MFSD11: variants seen among roughly 807,000 people sequenced by gnomAD.
MFSD11 encodes UNC93-like protein MFSD11.
A neutral mutation model predicts 53.5 loss-of-function variants in MFSD11; 36 were observed. The observed-to-expected ratio is 0.67, with a 90% CI of 0.52 to 0.89. The LOEUF (loss-of-function observed/expected upper bound fraction) is 0.89. MFSD11 is among the 40% of genes least tolerant of loss of function. The pLI is 0.00. For synonymous variants in MFSD11, 186 were observed against 184.9 expected, an observed-to-expected ratio of 1.01 and a Z score of -0.05; for missense variants, 530 against 543.9, an observed-to-expected ratio of 0.97 and a Z score of 0.25.
At position 76,759,518 on chromosome 17, in the gene MFSD11, G is replaced by A. The variant is rs894706072; in HGVS notation, c.682+5431G>A. Among the ~76,000 whole-genome samples the A allele has an allele frequency of 4.6e-5, 7 of 151,602 alleles. No individual in the cohort carries two copies. In the East Asian group the frequency reaches 1.2e-3, roughly 25 times the overall value. On this transcript the variant is annotated intron_variant, in intron 8 of 12. Coordinates refer to ENST00000685175, the MANE Select transcript of MFSD11 (RefSeq NM_001242532.5). ...CACCCAGGCTGGAGTGCAGTGGCGC[G>A]ATCTCAGCTCACTGCAACCTCCGCC...
chr17:76,755,368 G>A (rs1453018400), intron 8 of MFSD11, among the ~76,000 whole-genome samples: 1 of 152,156 alleles, frequency 6.6e-6, no homozygotes, highest in East Asian at 1.9e-4. Context: ...TGTCTTCTCA[G>A]GAGAGGGAAT....
intron 8 of MFSD11, among the ~76,000 whole-genome samples, chr17:76,755,675 C>G (rs1370568682): frequency 6.8e-6 from 1 of 147,256 alleles, no homozygotes; most frequent in Non-Finnish European, 1.5e-5. Flanking sequence ...TATATTGTTT[C>G]AGGAATATAT....
chr17:76,742,308 C>G, intron 5 of MFSD11, 35 bp downstream of exon 5: 1 of 1,561,466 alleles, frequency 6.4e-7, no homozygotes, highest in Non-Finnish European at 8.8e-7. Context: ...CTTTCCTTTT[C>G]TTTCTTTTTT....
chr17:76,737,269 G>GA (rs1345421660), upstream of MFSD11: 1 of 1,406,706 alleles, frequency 7.1e-7, no homozygotes, highest in South Asian at 1.5e-5. Context: ...GGGACACTGG[G>GA]AAAGGCCTTG....
At chr17:76,760,084 A>AT (rs1291924629) in intron 8 of MFSD11, among the ~76,000 whole-genome samples, 2 of 151,108 alleles carry the variant, frequency 1.3e-5, no homozygotes, top group African/African-American at 4.9e-5. Context: ...CCTGGCCAGC[A>AT]TGGCGAAACT....
At chr17:76,755,780 G>GTATACATATATATA (rs1324156634) in intron 8 of MFSD11, among the ~76,000 whole-genome samples, 4 of 67,786 alleles carry the variant, frequency 5.9e-5, no homozygotes, top group South Asian at 7.4e-4. Context: ...GTGTGTGTGT[G>GTATACATATATATA]TGTGTGTATA....
At chr17:76,788,446 A>AC in the MFSD11 span, among the ~76,000 whole-genome samples, 6 of 148,930 alleles carry the variant, frequency 4.0e-5, no homozygotes, top group Non-Finnish European at 1.5e-5. Context: ...GCTCACTGCA[A>AC]CCACCGCCTA....
chr17:76,741,067 A>G lies in MFSD11; in HGVS notation c.260+3A>G. The G allele has an allele frequency of 1.3e-6, 2 of 1,524,998 alleles. No homozygotes were observed. The highest frequency in any genetic ancestry group is 1.8e-6 in the Non-Finnish European group (2 of 1,099,420). The allele number at this position is 1,524,998 out of a possible 1,614,324, so 94.5% of individuals were successfully genotyped here. ...TTTGCCAGTGGTTTATTTTACAGGT[A>G]AGTAGTGTAATCTTGCACTTATTTA... On this transcript the variant is annotated splice_donor_region_variant and intron_variant, in intron 3 of 12. Transcript: ENST00000685175.
chr17:76,755,730 GTA>G (rs1226204510), intron 8 of MFSD11, among the ~76,000 whole-genome samples: 20 of 122,920 alleles, frequency 1.6e-4, no homozygotes, highest in South Asian at 3.0e-4. Context: ...ATGTGTATAT[GTA>G]TATATATGTA....
chr17:76,768,429 T>G (rs2081071881), intron 9 of MFSD11, among the ~76,000 whole-genome samples: 2 of 152,164 alleles, frequency 1.3e-5, no homozygotes, highest in Non-Finnish European at 2.9e-5. Context: ...TAAAAAATGC[T>G]GTAATTTGCT....
chr17:76,743,648 C>T (rs2078295048), intron 6 of MFSD11, among the ~76,000 whole-genome samples, 192 bp downstream of exon 6: 1 of 152,116 alleles, frequency 6.6e-6, no homozygotes, highest in Non-Finnish European at 1.5e-5. Flanking sequence ...TGGAGTTTCA[C>T]TCTTGTTACC....
At chr17:76,793,587 C>A in the MFSD11 span, among the ~76,000 whole-genome samples, 4 of 151,324 alleles carry the variant, frequency 2.6e-5, no homozygotes, top group African/African-American at 9.8e-5. Context: ...ATACATCCTC[C>A]TCAGTTTACG....
intron 6 of MFSD11, 90 bp downstream of exon 6, chr17:76,743,546 C>T (rs189063043): frequency 1.5e-5 from 12 of 782,618 alleles, no homozygotes; most frequent in Middle Eastern, 2.5e-4. Context: ...ATTCAAGCAT[C>T]GTTCTCATGA....
chr17:76,770,929 G>T (rs1664049998), intron 10 of MFSD11, among the ~76,000 whole-genome samples: 1 of 152,204 alleles, frequency 6.6e-6, no homozygotes, highest in African/African-American at 2.4e-5. Flanking sequence ...TAAATCATTG[G>T]CCACATGGCC....
intron 8 of MFSD11, among the ~76,000 whole-genome samples, chr17:76,765,002 G>A (rs1220676694): frequency 6.6e-6 from 1 of 152,108 alleles, no homozygotes; most frequent in Non-Finnish European, 1.5e-5. Flanking sequence ...CTTTGATAAA[G>A]TTTTTAATTT....
chr17:76,786,439 G>T (rs1598826815), downstream of MFSD11, among the ~76,000 whole-genome samples: 1 of 152,118 alleles, frequency 6.6e-6, no homozygotes, highest in South Asian at 2.1e-4. Flanking sequence ...ACCACACCTG[G>T]CTGAGGACCA....
In MFSD11 at chr17:76,741,949, C is replaced by G. The variant is rs1230712207; in HGVS notation, c.261-20C>G. The G allele has an allele frequency of 1.2e-6, 2 of 1,614,012 alleles. No individual in the cohort carries two copies. Among genetic ancestry groups the G allele is most frequent in the South Asian group, 1.1e-5 (1 of 91,066 alleles). On this transcript the variant is annotated intron_variant, in intron 3 of 12. Coordinates refer to ENST00000685175, the MANE Select transcript of MFSD11 (RefSeq NM_001242532.5). ...TTCAGGTATCGTTTGACTGTAATACCTTGACCTGTTATATTTTAGCATGTA... is the reference window on the plus strand; with the variant it reads ...TTCAGGTATCGTTTGACTGTAATACGTTGACCTGTTATATTTTAGCATGTA...
At chr17:76,754,315 G>A (rs534792772) in intron 8 of MFSD11, 1 of 484,430 alleles carries the variant, frequency 2.1e-6, no homozygotes, top group African/African-American at 2.0e-5. Flanking sequence ...TGTGAGGGAA[G>A]TGGAAAGAGG....
At chr17:76,740,755 C>G (rs2077994209) in intron 2 of MFSD11, among the ~76,000 whole-genome samples, 1 of 152,092 alleles carries the variant, frequency 6.6e-6, no homozygotes, top group South Asian at 2.1e-4. Context: ...TCCCAAGGCA[C>G]AGTTGGTGGG....
Sources: gnomAD v4.1 joint callset for allele counts (sites outside exome capture counted in the v4.1 genomes callset) on GRCh38, gnomAD v4.1.1 for gene constraint, MANE v1.5 for transcripts, NCBI Gene and HGNC (gene_info 2026-07-23, HGNC 2026-07-21) for gene names.